The following CNGB3 variants were observed in gnomAD, a reference collection of about 807,000 sequenced individuals.
CNGB3 encodes cyclic nucleotide gated channel subunit beta 3.
A neutral mutation model predicts 92.8 loss-of-function variants in CNGB3; 86 were observed. The observed-to-expected ratio is 0.93, with a 90% CI of 0.78 to 1.11. CNGB3 has a LOEUF of 1.11. Ranked by LOEUF, CNGB3 falls within the 50% of genes least tolerant of loss-of-function variation. CNGB3 has a pLI of 0.00. For synonymous variants in CNGB3, 333 were observed against 332.7 expected (o/e 1.00, Z -0.01); for missense variants, 1,026 against 956.8 (o/e 1.07, Z -0.95).
chr8:86,741,512 A>G (rs1275772471), intron 1 of CNGB3, among the ~76,000 whole-genome samples: 1 of 152,168 alleles, frequency 6.6e-6, no homozygotes, highest in East Asian at 1.9e-4. Context: ...AAAAATACAA[A>G]AAAATGAGCT....
intron 15 of CNGB3, among the ~76,000 whole-genome samples, chr8:86,585,106 G>A (rs1563715256): frequency 6.6e-6 from 1 of 152,122 alleles, no homozygotes; most frequent in Admixed American, 6.5e-5. Flanking sequence ...GAGTACTAGT[G>A]TGCCAAAGTT....
intron 15 of CNGB3, among the ~76,000 whole-genome samples, chr8:86,580,339 C>T (rs77825669): frequency 0.021 from 3,210 of 152,318 alleles, 107 homozygotes; most frequent in African/African-American, 0.074. Context: ...GACTTTTCCT[C>T]ACTTCTGTCA....
At chr8:86,728,212 G>T (rs1172604182) in intron 2 of CNGB3, among the ~76,000 whole-genome samples, 3 of 152,070 alleles carry the variant, frequency 2.0e-5, no homozygotes, top group African/African-American at 7.2e-5. Context: ...GGATACAAAG[G>T]TCTCAATATA....
chr8:86,729,413 A>G (rs376323461), intron 2 of CNGB3, among the ~76,000 whole-genome samples: 3 of 152,240 alleles, frequency 2.0e-5, no homozygotes, highest in Admixed American at 1.3e-4. Flanking sequence ...AATTCTAGGT[A>G]GATCTTAGCA....
rs148834016 is a variant in CNGB3, at chr8:86,726,628, C to T, written c.241G>A (p.Asp81Asn). ...DKLSKKNSSG[D>N]LTTNPDPQNA... ...TGAGGGTCAGGGTTTGTGGTCAGAT[C>T]TCCAGAGGAATTTTTCTTGGAGAGT... Residue 81 changes from aspartate to asparagine, a missense_variant, in exon 3 of 18, where the codon GAT becomes AAT. Physicochemically the swap from Asp to Asn is conservative, Grantham distance 23. Transcript: ENST00000320005. The T allele has an allele frequency of 9.9e-6, 16 of 1,613,554 alleles. No individual in the cohort carries two copies. The highest frequency in any genetic ancestry group is 1.1e-5 in the Non-Finnish European group (13 of 1,179,760).
At chr8:86,659,278 A>T (rs1211912780) in intron 6 of CNGB3, 38 of 864,260 alleles carry the variant, frequency 4.4e-5, no homozygotes, top group South Asian at 8.0e-5. Context: ...TGTTTCAGCA[A>T]CTCCATAACC....
Position 86,668,007 on chromosome 8 carries a change from C to G in CNGB3, c.643+12G>C. ...AGCCCTCCCACTATGATAATTCACC[C>G]TTTGATAATACCTGTGTATGAATCT... On this transcript the variant is annotated intron_variant, in intron 5 of 17. Coordinates refer to ENST00000320005, the MANE Select transcript of CNGB3 (RefSeq NM_019098.5). The G allele has an allele frequency of 6.2e-7, 1 of 1,613,882 alleles. No homozygotes were observed. Among genetic ancestry groups the G allele is most frequent in the East Asian group, 2.2e-5 (1 of 44,858 alleles).
At chr8:86,714,760 G>T (rs1824818264) in intron 3 of CNGB3, among the ~76,000 whole-genome samples, 1 of 152,136 alleles carries the variant, frequency 6.6e-6, no homozygotes, top group African/African-American at 2.4e-5. Context: ...TCTCAGCCCT[G>T]GTCACTGGCT....
At chr8:86,699,272 T>C (rs1469783249) in intron 3 of CNGB3, among the ~76,000 whole-genome samples, 3 of 152,102 alleles carry the variant, frequency 2.0e-5, no homozygotes, top group Non-Finnish European at 2.9e-5. Flanking sequence ...TTCTTCATTA[T>C]AATCTTATAT....
intron 7 of CNGB3, among the ~76,000 whole-genome samples, chr8:86,652,018 C>T (rs1316437667): frequency 6.6e-6 from 1 of 151,914 alleles, no homozygotes; most frequent in Non-Finnish European, 1.5e-5. Context: ...TATAGACATA[C>T]AAGCCTAGGC....
chr8:86,732,250 G>A (rs1404734104), intron 2 of CNGB3, among the ~76,000 whole-genome samples: 2 of 152,160 alleles, frequency 1.3e-5, no homozygotes, highest in Admixed American at 6.5e-5. Flanking sequence ...GCTTTCTGCT[G>A]TATTACATGC....
At chr8:86,590,487 C>T (rs1822003963) in intron 15 of CNGB3, among the ~76,000 whole-genome samples, 1 of 152,104 alleles carries the variant, frequency 6.6e-6, no homozygotes, top group African/African-American at 2.4e-5. Flanking sequence ...CCAGTTCTTC[C>T]TTTCCATGTT....
At chr8:86,597,305 G>A (rs1472316955) in intron 15 of CNGB3, among the ~76,000 whole-genome samples, 3 of 152,198 alleles carry the variant, frequency 2.0e-5, no homozygotes, top group Non-Finnish European at 4.4e-5. Context: ...GAAGTGGAGT[G>A]AGAACTGGGT....
At chr8:86,708,423 T>G (rs1824688587) in intron 3 of CNGB3, among the ~76,000 whole-genome samples, 1 of 152,046 alleles carries the variant, frequency 6.6e-6, no homozygotes, top group Non-Finnish European at 1.5e-5. Context: ...GCAATGGCCA[T>G]CAGTATACAC....
intron 7 of CNGB3, among the ~76,000 whole-genome samples, chr8:86,648,889 G>A (rs1338624066): frequency 3.3e-5 from 5 of 151,254 alleles, no homozygotes; most frequent in African/African-American, 7.3e-5. Flanking sequence ...TGATATGATC[G>A]TATCCTAGAA....
chr8:86,709,384 G>T (rs1266540177), intron 3 of CNGB3, among the ~76,000 whole-genome samples: 1 of 152,128 alleles, frequency 6.6e-6, no homozygotes, highest in Non-Finnish European at 1.5e-5. Context: ...TCTATTGTCT[G>T]TCAATGTCTT....
intron 7 of CNGB3, among the ~76,000 whole-genome samples, chr8:86,652,717 G>A (rs1464861924): frequency 1.3e-5 from 2 of 151,880 alleles, no homozygotes; most frequent in African/African-American, 4.8e-5. Flanking sequence ...AGGTCTTCAG[G>A]CTCCATAACA....
At chr8:86,705,694 A>G (rs1824640494) in intron 3 of CNGB3, among the ~76,000 whole-genome samples, 2 of 152,208 alleles carry the variant, frequency 1.3e-5, no homozygotes, top group Admixed American at 1.3e-4. Context: ...GAGAGGAGTT[A>G]TAGCCTGAGT....
At position 86,707,132 on chromosome 8, in the gene CNGB3, C is replaced by A. The variant is rs76066805; in HGVS notation, c.338+19399G>T. Reference sequence around the variant, plus strand: ...TCTTCCTTCCAAAGCTAAAAGGCTCCCATCCATCCATCCATTCATTCAAAC... The same window carrying A: ...TCTTCCTTCCAAAGCTAAAAGGCTCACATCCATCCATCCATTCATTCAAAC... On this transcript the variant is annotated intron_variant, in intron 3 of 17. Coordinates refer to ENST00000320005, the MANE Select transcript of CNGB3 (RefSeq NM_019098.5). 2.5e-4 allele frequency among the ~76,000 whole-genome samples: 38 copies of A among 152,200 alleles called. No individual in the cohort carries two copies. The East Asian group carries it at 7.3e-3, about 29-fold the overall frequency.
Sources: gnomAD v4.1 joint callset for allele counts (sites outside exome capture counted in the v4.1 genomes callset) on GRCh38, gnomAD v4.1.1 for gene constraint, MANE v1.5 for transcripts, NCBI Gene and HGNC (gene_info 2026-07-23, HGNC 2026-07-21) for gene names.